Variants in ADAMTSL1 observed in about 807,000 individuals in gnomAD.
ADAMTSL1 encodes the protein ADAMTS-like protein 1.
In ADAMTSL1, 126 loss-of-function variants were observed where a neutral mutation model predicts 201.8. That is an observed-to-expected ratio of 0.62 (90% CI 0.54 to 0.72). The LOEUF (loss-of-function observed/expected upper bound fraction) is 0.72. Ranked by LOEUF, ADAMTSL1 falls within the 30% of genes least tolerant of loss-of-function variation. ADAMTSL1 has a pLI of 0.00. For synonymous variants in ADAMTSL1, 1,121 were observed against 903.4 expected, an observed-to-expected ratio of 1.24 and a Z score of -4.32; for missense variants, 2,679 against 2,277.8, an observed-to-expected ratio of 1.18 and a Z score of -3.59.
rs374446296 is a variant in ADAMTSL1, at chr9:18,889,552, C to T, written c.4463-16C>T. On this transcript the variant is annotated splice_polypyrimidine_tract_variant and intron_variant, in intron 24 of 28. Coordinates refer to ENST00000380548, the MANE Select transcript of ADAMTSL1 (RefSeq NM_001040272.6). ...ATGCTATATTCTTTTCTACACTGCT[C>T]CTCCTCCCATGACAGATTACTGGTG... The T allele has an allele frequency of 2.0e-5, 33 of 1,612,340 alleles. No individual in the cohort carries two copies. The highest frequency in any genetic ancestry group is 1.1e-4 in the African/African-American group (8 of 74,830).
intron 23 of ADAMTSL1, among the ~76,000 whole-genome samples, chr9:18,862,520 T>A (rs1827276084): frequency 6.6e-6 from 1 of 152,200 alleles, no homozygotes; most frequent in African/African-American, 2.4e-5. Context: ...TATAGAGCGC[T>A]TCCTTGAAAG....
chr9:18,564,163 T>C (rs1377717877), intron 3 of ADAMTSL1, among the ~76,000 whole-genome samples: 1 of 152,208 alleles, frequency 6.6e-6, no homozygotes, highest in Admixed American at 6.5e-5. Flanking sequence ...GAGAATATCC[T>C]GGTCTGCGCA....
chr9:18,095,416 CTTTTT>C (rs35164794), intron 1 of ADAMTSL1, among the ~76,000 whole-genome samples: 19 of 100,114 alleles, frequency 1.9e-4, no homozygotes, highest in South Asian at 4.1e-4. Flanking sequence ...TTCTTTCTTT[CTTTTT>C]TTTTTTTTTT....
At chr9:17,913,001 T>A (rs959219145) in intron 1 of ADAMTSL1, among the ~76,000 whole-genome samples, 6 of 152,194 alleles carry the variant, frequency 3.9e-5, no homozygotes, top group Non-Finnish European at 8.8e-5. Flanking sequence ...GTTGTAGATA[T>A]GTGGCGTTAT....
chr9:18,414,910 T>A (rs1369680748), intron 2 of ADAMTSL1, among the ~76,000 whole-genome samples: 1 of 152,156 alleles, frequency 6.6e-6, no homozygotes, highest in Non-Finnish European at 1.5e-5. Context: ...TAATGCCTGT[T>A]CCCACAAACC....
At chr9:18,647,122 T>G (rs1443715935) in intron 7 of ADAMTSL1, among the ~76,000 whole-genome samples, 2 of 117,166 alleles carry the variant, frequency 1.7e-5, no homozygotes, top group African/African-American at 6.7e-5. Context: ...TCTTGGAGAG[T>G]GTATGTGTCG....
At chr9:18,127,586 TG>T (rs1346316660) in intron 1 of ADAMTSL1, among the ~76,000 whole-genome samples, 5 of 151,770 alleles carry the variant, frequency 3.3e-5, no homozygotes, top group African/African-American at 1.2e-4. Context: ...TCCTCTAGCT[TG>T]GTGGGCTTGA....
At chr9:18,390,745 C>G (rs148101838) in intron 2 of ADAMTSL1, among the ~76,000 whole-genome samples, 1 of 152,050 alleles carries the variant, frequency 6.6e-6, no homozygotes, top group East Asian at 1.9e-4. Flanking sequence ...TTTCTCGAGA[C>G]ACAACTCAGG....
At chr9:18,006,701 C>G (rs1819843398) in intron 1 of ADAMTSL1, among the ~76,000 whole-genome samples, 1 of 151,908 alleles carries the variant, frequency 6.6e-6, no homozygotes, top group African/African-American at 2.4e-5. Context: ...CTTCAGTGTT[C>G]TTCTAGCTCT....
chr9:18,166,565 A>T (rs1274875694), intron 2 of ADAMTSL1, among the ~76,000 whole-genome samples: 2 of 151,852 alleles, frequency 1.3e-5, no homozygotes, highest in Non-Finnish European at 2.9e-5. Flanking sequence ...AGTAATGTAA[A>T]CTCAGGGATG....
chr9:18,569,072 G>A (rs922537678), intron 3 of ADAMTSL1, among the ~76,000 whole-genome samples: 8 of 152,102 alleles, frequency 5.3e-5, no homozygotes, highest in East Asian at 1.9e-4. Context: ...TAGCTGCTGC[G>A]GTAGAATCTT....
chr9:18,523,181 C>G (rs1818808738), intron 2 of ADAMTSL1, among the ~76,000 whole-genome samples: 1 of 152,230 alleles, frequency 6.6e-6, no homozygotes, highest in Non-Finnish European at 1.5e-5. Flanking sequence ...TTGCATTTCT[C>G]TGATGGCCAG....
At position 17,953,619 on chromosome 9, in the gene ADAMTSL1, T is replaced by A. The variant is rs112779049; in HGVS notation, c.87+46697T>A. 1.9e-3 allele frequency among the ~76,000 whole-genome samples: 296 copies of A among 152,296 alleles called. 1 individual carries two copies. The highest frequency in any genetic ancestry group is 2.4e-3 in the Non-Finnish European group (162 of 68,016). Reference sequence around the variant, plus strand: ...TCTGAAAACTGCCACAAGTGTTAAGTCTTTATGTACTGATTTAGAAACATA... The same window carrying A: ...TCTGAAAACTGCCACAAGTGTTAAGACTTTATGTACTGATTTAGAAACATA... On this transcript the variant is annotated intron_variant, in intron 1 of 29. Coordinates refer to the ADAMTSL1 transcript ENST00000680146.
rs761035900 is a variant in ADAMTSL1 at position 18,889,664 on chromosome 9, C to T, written c.4559C>T (p.Thr1520Met). 22 of 1,610,620 alleles carry T rather than the reference C, an allele frequency of 1.4e-5. No homozygotes were observed. The highest frequency in any genetic ancestry group is 6.7e-5 in the African/African-American group (5 of 74,792). Residue 1520 changes from threonine to methionine, a missense_variant, in exon 25 of 29, where the codon ACG becomes ATG. By Grantham distance (81) the Thr-to-Met change is moderately conservative. Coordinates refer to ENST00000380548, the MANE Select transcript of ADAMTSL1 (RefSeq NM_001040272.6). ...QPRLRCLLNS[T>M]EVNPAHCAGK... Reference sequence around the variant, plus strand: ...CGCTTGAGGTGCCTGCTGAACAGCACGGAGGTCAACCCTGCCCACTGCGCA... The same window carrying T: ...CGCTTGAGGTGCCTGCTGAACAGCATGGAGGTCAACCCTGCCCACTGCGCA...
chr9:18,631,749 T>C (rs1826792265), intron 5 of ADAMTSL1, among the ~76,000 whole-genome samples: 1 of 152,218 alleles, frequency 6.6e-6, no homozygotes, highest in Non-Finnish European at 1.5e-5. Context: ...TATAGATAGA[T>C]ATTTTTTAAA....
intron 2 of ADAMTSL1, among the ~76,000 whole-genome samples, chr9:18,215,952 G>C (rs867986260): frequency 3.3e-5 from 5 of 152,268 alleles, no homozygotes; most frequent in African/African-American, 7.2e-5. Context: ...TCCATTACGA[G>C]AACTGAGTTA....
chr9:18,516,527 T>C (rs1191692352), intron 2 of ADAMTSL1, among the ~76,000 whole-genome samples: 4 of 152,246 alleles, frequency 2.6e-5, no homozygotes, highest in African/African-American at 9.6e-5. Flanking sequence ...GAACCACATG[T>C]TGTGGGAACC....
At chr9:18,365,922 G>C (rs962085777) in intron 2 of ADAMTSL1, among the ~76,000 whole-genome samples, 8 of 152,108 alleles carry the variant, frequency 5.3e-5, no homozygotes, top group African/African-American at 1.9e-4. Context: ...GCTGGGTTGT[G>C]TGCTCCTTAT....
intron 23 of ADAMTSL1, among the ~76,000 whole-genome samples, chr9:18,836,092 A>G (rs778415839): frequency 7.2e-5 from 11 of 152,196 alleles, no homozygotes; most frequent in Non-Finnish European, 4.4e-5. Context: ...ACTGCTTTCC[A>G]CAGCGGCTAA....
Sources: gnomAD v4.1 joint callset for allele counts (sites outside exome capture counted in the v4.1 genomes callset) on GRCh38, gnomAD v4.1.1 for gene constraint, MANE v1.5 for transcripts, NCBI Gene and HGNC (gene_info 2026-07-23, HGNC 2026-07-21) for gene names.